Variants in CIITA observed in about 807,000 individuals in gnomAD.
CIITA encodes class II major histocompatibility complex transactivator, also known as MHC class II transactivator.
CIITA carries 72 observed loss-of-function variants against 115.1 expected under a neutral mutation model. The observed-to-expected ratio is 0.63, with a 90% CI of 0.52 to 0.76. The LOEUF (loss-of-function observed/expected upper bound fraction) is 0.76. Ranked by LOEUF, CIITA falls within the 30% of genes least tolerant of loss-of-function variation. CIITA has a pLI of 0.00. For synonymous variants in CIITA, 763 were observed against 635.6 expected (o/e 1.20, Z -3.02); for missense variants, 1,617 against 1,463.8 (o/e 1.10, Z -1.71).
chr16:10,891,206 C>A (rs2037537941), intron 1 of CIITA, among the ~76,000 whole-genome samples: 1 of 151,118 alleles, frequency 6.6e-6, no homozygotes, highest in East Asian at 1.9e-4. Flanking sequence ...CCAGACAGGA[C>A]AAGGGTGATC....
intron 1 of CIITA, among the ~76,000 whole-genome samples, chr16:10,880,474 GTGTTT>G (rs1168838521): frequency 6.6e-6 from 1 of 152,194 alleles, no homozygotes; most frequent in Non-Finnish European, 1.5e-5. Flanking sequence ...GTACCAGGAG[GTGTTT>G]TGTTTTGTTT....
chr16:10,891,454 T>A (rs1203858931), intron 1 of CIITA, among the ~76,000 whole-genome samples: 1 of 152,152 alleles, frequency 6.6e-6, no homozygotes, highest in East Asian at 1.9e-4. Context: ...ACTTATTATT[T>A]TATAGATATG....
chr16:10,908,042 G>A lies in CIITA; in HGVS notation c.2550G>A (p.Lys850=), dbSNP rs1484076457. The change falls in exon 11 of 20, where the codon AAG becomes AAA. Residue 850 remains lysine, a synonymous_variant. Transcript: ENST00000324288. The stretch of plus-strand genomic sequence containing the variant: ...CTCCTGATGCACATGTACTGGGCAA[G>A]GCCTTGGAGGCGGCGGGCCAAGACT... The part of the protein sequence containing the change: ...LTPPDAHVLG[K]ALEAAGQDFS... 3 of 1,613,440 alleles carry A rather than the reference G, an allele frequency of 1.9e-6. No individual in the cohort carries two copies. Among genetic ancestry groups the A allele is most frequent in the Non-Finnish European group, 2.5e-6 (3 of 1,179,660 alleles).
At chr16:10,915,672 C>A (rs778280095) in intron 14 of CIITA, 22 bp downstream of exon 14, 2 of 1,599,082 alleles carry the variant, frequency 1.3e-6, no homozygotes, top group Admixed American at 1.7e-5. Flanking sequence ...CTCTGGGACC[C>A]CTTCCTCTCA....
At chr16:10,908,918 G>A in intron 11 of CIITA, 111 bp from the exon 12 acceptor site, 1 of 1,497,258 alleles carries the variant, frequency 6.7e-7, no homozygotes, top group Admixed American at 1.7e-5. Flanking sequence ...GGTAGAGGTT[G>A]AGCTAAGGAA....
At position 10,942,065 on chromosome 16, in the gene CIITA, C is replaced by G. The variant is rs1311098058; in HGVS notation, n.1191C>G. 27 of 1,313,762 alleles carry G rather than the reference C, an allele frequency of 2.1e-5. No homozygotes were observed. The Admixed American group carries it at 1.1e-3, about 53-fold the overall frequency. The allele number at this position is 1,313,762 out of a possible 1,614,324, so 81.4% of individuals were successfully genotyped here. Reference sequence around the variant, plus strand: ...CGGCGAACTCAGCCGCTGCGGCGCCCGGGCGGCCGGCGAGGGCACAGCGCA... The same window carrying G: ...CGGCGAACTCAGCCGCTGCGGCGCCGGGGCGGCCGGCGAGGGCACAGCGCA... On this transcript the variant is annotated non_coding_transcript_exon_variant, in exon 2 of 2. Transcript: ENST00000573379. This position sits in a 1 kb window ranked among gnomAD's most constrained non-coding sequence, Gnocchi z 5.0.
At chr16:10,893,532 A>T (rs1474339012) in intron 1 of CIITA, among the ~76,000 whole-genome samples, 1 of 152,170 alleles carries the variant, frequency 6.6e-6, no homozygotes, top group Non-Finnish European at 1.5e-5. Flanking sequence ...CCACTTAAAA[A>T]GTACAGTTCA....
intron 1 of CIITA, among the ~76,000 whole-genome samples, chr16:10,870,261 G>T (rs6498114): frequency 0.77 from 116,779 of 151,046 alleles, 45,709 homozygotes; most frequent in African/African-American, 0.87. Flanking sequence ...CCCAAATAGG[G>T]TGGCAGTCTT....
At chr16:10,909,601 TA>T (rs1417951717) in intron 12 of CIITA, among the ~76,000 whole-genome samples, 1 of 152,252 alleles carries the variant, frequency 6.6e-6, no homozygotes, top group Non-Finnish European at 1.5e-5. Flanking sequence ...CAGAACAAGT[TA>T]ACTGTCTTTC....
chr16:10,942,034 C>T lies in CIITA; in HGVS notation n.1160C>T, dbSNP rs572435508. 1,274 of 1,371,126 alleles carry T rather than the reference C, an allele frequency of 9.3e-4. 3 individuals carry two copies. Among genetic ancestry groups the T allele is most frequent in the Non-Finnish European group, 1.1e-3 (1,171 of 1,064,044 alleles). 84.9% of individuals were successfully genotyped at this position (1,371,126 alleles called of 1,614,324 possible). On this transcript the variant is annotated non_coding_transcript_exon_variant, in exon 2 of 2. Coordinates refer to the CIITA transcript ENST00000573379. This position sits in a 1 kb window ranked among gnomAD's most constrained non-coding sequence, Gnocchi z 5.0. ...GCGGGTGGCAAGGGCGGCGGCCCGG[C>T]GATCCCGGCGAACTCAGCCGCTGCG... is the stretch of plus-strand genomic sequence containing the variant.
intron 5 of CIITA, among the ~76,000 whole-genome samples, chr16:10,900,493 A>T (rs1286478359): frequency 6.6e-6 from 1 of 151,812 alleles, no homozygotes; most frequent in Non-Finnish European, 1.5e-5. Flanking sequence ...TAATCCCAGC[A>T]CTTTGGGAGG....
chr16:10,908,444 A>C, intron 11 of CIITA: 1 of 535,292 alleles, frequency 1.9e-6, no homozygotes, highest in Non-Finnish European at 3.4e-6. Context: ...AATTTGTTTT[A>C]TTCTTTCCAC....
At chr16:10,906,386 A>C (rs2039152736) in intron 10 of CIITA, 113 bp from the exon 11 acceptor site, 4 of 1,302,148 alleles carry the variant, frequency 3.1e-6, no homozygotes, top group Admixed American at 1.9e-5. Context: ...AACAAACAAA[A>C]AAACTGTGTG....
intron 1 of CIITA, among the ~76,000 whole-genome samples, chr16:10,889,013 C>T (rs2037253218): frequency 6.6e-6 from 1 of 152,182 alleles, no homozygotes; most frequent in African/African-American, 2.4e-5. Flanking sequence ...TCATTTGGTA[C>T]CTGGCACTTG....
At chr16:10,904,951 T>C (rs1158205423) in intron 10 of CIITA, 139 bp downstream of exon 10, 1 of 863,666 alleles carries the variant, frequency 1.2e-6, no homozygotes, top group African/African-American at 1.7e-5. Context: ...ATTCATTCAT[T>C]CATTCACTTA....
At chr16:10,877,194 G>A (rs1289957844), upstream of CIITA, 17 of 756,154 alleles carry the variant, frequency 2.2e-5, no homozygotes, top group Non-Finnish European at 3.5e-5. Context: ...CCCAACTGGT[G>A]ACTGGTTAGT....
intron 1 of CIITA, 57 bp from the exon 2 acceptor site, chr16:10,895,225 A>G: frequency 2.5e-6 from 4 of 1,607,332 alleles, no homozygotes; most frequent in Middle Eastern, 1.7e-4. Flanking sequence ...GTAGGTGTCA[A>G]TTTTCTGCCT....
At chr16:10,893,334 C>T (rs2037785020) in intron 1 of CIITA, among the ~76,000 whole-genome samples, 1 of 152,148 alleles carries the variant, frequency 6.6e-6, no homozygotes, top group Non-Finnish European at 1.5e-5. Context: ...ACCACGGATC[C>T]TGGCAGGAGC....
At chr16:10,916,061 A>C (rs2039929337) in intron 14 of CIITA, among the ~76,000 whole-genome samples, 2 of 152,148 alleles carry the variant, frequency 1.3e-5, no homozygotes. Flanking sequence ...GGGATTGGGG[A>C]GCATAGTCCT....
Sources: gnomAD v4.1 joint callset for allele counts (sites outside exome capture counted in the v4.1 genomes callset) on GRCh38, gnomAD v4.1.1 for gene constraint, Gnocchi (gnomAD v3.1) non-coding constraint, MANE v1.5 for transcripts, NCBI Gene and HGNC (gene_info 2026-07-23, HGNC 2026-07-21) for gene names.